Variants in CD38 observed in about 807,000 individuals in gnomAD.
The protein encoded by CD38 is CD38 molecule, also known as ADP-ribosyl cyclase/cyclic ADP-ribose hydrolase 1.
A neutral mutation model predicts 36.3 loss-of-function variants in CD38; 31 were observed. The ratio of observed to expected loss-of-function variants is 0.85; its 90% CI spans 0.64 to 1.15. The LOEUF (loss-of-function observed/expected upper bound fraction) is 1.15. CD38 is among the 50% of genes most tolerant of loss of function. The probability of loss-of-function intolerance (pLI) is 0.00; values close to 1 mark genes in which losing one functional copy is unlikely to be tolerated. For missense variants in CD38, 380 were observed against 371.9 expected, an observed-to-expected ratio of 1.02 and a Z score of -0.18; for synonymous variants, 131 against 135.2, an observed-to-expected ratio of 0.97 and a Z score of 0.22.
intron 1 of CD38, among the ~76,000 whole-genome samples, chr4:15,787,837 G>A (rs7700051): frequency 0.028 from 4,234 of 152,244 alleles, 203 homozygotes; most frequent in African/African-American, 0.094. Context: ...ACATAATGCC[G>A]AAAGCCTGGA....
chr4:15,809,943 G>A (rs1221812762), intron 1 of CD38, among the ~76,000 whole-genome samples: 1 of 152,086 alleles, frequency 6.6e-6, no homozygotes, highest in African/African-American at 2.4e-5. Flanking sequence ...CACAACCAAG[G>A]TGAGGTGTTT....
intron 3 of CD38, among the ~76,000 whole-genome samples, chr4:15,827,141 G>C (rs905014721): frequency 6.6e-6 from 1 of 152,188 alleles, no homozygotes; most frequent in African/African-American, 2.4e-5. Context: ...GAGATAGGAA[G>C]TCTGAGGCAT....
At chr4:15,822,539 A>T (rs1239792768) in intron 2 of CD38, among the ~76,000 whole-genome samples, 1 of 152,152 alleles carries the variant, frequency 6.6e-6, no homozygotes, top group Non-Finnish European at 1.5e-5. Context: ...GCATTCCTGT[A>T]CACCAACAAC....
intron 1 of CD38, among the ~76,000 whole-genome samples, chr4:15,798,588 A>G (rs1246779640): frequency 2.0e-5 from 3 of 152,238 alleles, no homozygotes; most frequent in Admixed American, 6.5e-5. Context: ...CTTTGCCAAT[A>G]GGAAAGAAGG....
chr4:15,780,529 CA>C, intron 1 of CD38, among the ~76,000 whole-genome samples: 1 of 136,946 alleles, frequency 7.3e-6, no homozygotes, highest in Non-Finnish European at 1.6e-5. Flanking sequence ...CACACACACA[CA>C]CACACACACA....
At position 15,848,535 on chromosome 4, in the gene CD38, A is replaced by G. The variant is rs796556310; in HGVS notation, c.840-4A>G. Reference sequence around the variant, plus strand: ...TGATTTCCTTTTTTGCTTTCTTGTCATAGACCTGACAAGTTTCTTCAGTGT... The same window carrying G: ...TGATTTCCTTTTTTGCTTTCTTGTCGTAGACCTGACAAGTTTCTTCAGTGT... On this transcript the variant is annotated splice_region_variant and splice_polypyrimidine_tract_variant and intron_variant, in intron 7 of 7. Coordinates refer to ENST00000226279, the MANE Select transcript of CD38 (RefSeq NM_001775.4). 6 of 1,612,212 alleles carry G rather than the reference A, an allele frequency of 3.7e-6. No individual in the cohort carries two copies. In the African/African-American group the frequency reaches 6.7e-5, roughly 18 times the overall value.
rs775196395 is a variant in CD38 at position 15,840,084 on chromosome 4, G to C, written c.718G>C (p.Ala240Pro). ...LQPEKVQTLE[A>P]WVIHGGREDS... ...ACCAGAGAAGGTTCAGACACTAGAG[G>C]CCTGGGTGATACATGGTGGAAGAGA... is the stretch of plus-strand genomic sequence containing the variant. Residue 240 changes from alanine (A) to proline (P), a missense_variant, in exon 6 of 8, where the codon GCC (alanine) becomes CCC (proline). By Grantham distance (27) the Ala-to-Pro change is conservative. Transcript: ENST00000226279. 3 of 1,612,864 alleles carry C rather than the reference G, an allele frequency of 1.9e-6. No homozygotes were observed. Among genetic ancestry groups the C allele is most frequent in the South Asian group, 2.2e-5 (2 of 91,050 alleles).
Position 15,822,488 on chromosome 4 carries a change from G to T in CD38, c.364-2393G>T, listed in dbSNP as rs561511158. 4.6e-5 allele frequency among the ~76,000 whole-genome samples: 7 copies of T among 152,290 alleles called. No individual in the cohort carries two copies. The East Asian group carries it at 1.3e-3, about 29-fold the overall frequency. On this transcript the variant is annotated intron_variant, in intron 2 of 7. Transcript: ENST00000226279. ...CTTCTTAAGCTGATAAGCAACTTCA[G>T]CAAAGTCTCAGGATACAAAATCAAT...
rs1724418214 is a variant in CD38, at chr4:15,852,810, T to TTTTA, written c.*4211_*4212insATTT. The TTTTA allele has an allele frequency of 1.1e-4, 1 of 9,264 alleles. No homozygotes were observed. The highest frequency in any genetic ancestry group is 2.1e-3 in the African/African-American group (1 of 474). 0.6% of individuals were successfully genotyped at this position (9,264 alleles called of 1,614,324 possible). A position where few individuals can be genotyped will look rare whatever the true frequency, so the allele number is the denominator to read the frequency against. On this transcript the variant is annotated 3_prime_UTR_variant, in exon 8 of 8. Transcript: ENST00000226279. ...CTATTCCCTAACGGGGCATTTATTC[T>TTTTA]TTTTTTTTTTTTTTTTTGGGAGACG... is the stretch of plus-strand genomic sequence containing the variant.
At chr4:15,796,180 C>CA (rs944570953) in intron 1 of CD38, among the ~76,000 whole-genome samples, 44 of 151,776 alleles carry the variant, frequency 2.9e-4, no homozygotes, top group Non-Finnish European at 5.3e-4. Context: ...TTTAAAACCA[C>CA]AAAAAAAATG....
At chr4:15,819,499 C>T (rs1723685905) in intron 2 of CD38, among the ~76,000 whole-genome samples, 1 of 151,920 alleles carries the variant, frequency 6.6e-6, no homozygotes, top group Non-Finnish European at 1.5e-5. Flanking sequence ...AGCTAAGAAC[C>T]ATGATAAAAC....
chr4:15,782,325 A>G (rs906868507), intron 1 of CD38, among the ~76,000 whole-genome samples: 13 of 152,222 alleles, frequency 8.5e-5, no homozygotes, highest in Admixed American at 8.5e-4. Context: ...AGTAGCAAAA[A>G]TAATGTAGAC....
intron 1 of CD38, among the ~76,000 whole-genome samples, chr4:15,786,341 A>T (rs1722829065): frequency 1.3e-5 from 2 of 152,210 alleles, no homozygotes; most frequent in African/African-American, 4.8e-5. Flanking sequence ...CCGTTTTGAC[A>T]GGGTGCTGAT....
intron 5 of CD38, among the ~76,000 whole-genome samples, chr4:15,839,095 C>T (rs762272876): frequency 6.6e-6 from 1 of 152,144 alleles, no homozygotes; most frequent in Non-Finnish European, 1.5e-5. Context: ...CTAGGTGCCC[C>T]AAATTAATTT....
chr4:15,801,996 A>G (rs1321431391), intron 1 of CD38, among the ~76,000 whole-genome samples: 1 of 152,200 alleles, frequency 6.6e-6, no homozygotes, highest in Non-Finnish European at 1.5e-5. Context: ...TGGAAGGAAT[A>G]AGTCAAATTG....
In CD38 at chr4:15,791,273, G is replaced by T. The variant is rs1276235696; in HGVS notation, c.233+12626G>T. On this transcript the variant is annotated intron_variant, in intron 1 of 7. Coordinates refer to ENST00000226279, the MANE Select transcript of CD38 (RefSeq NM_001775.4). ...TGGGAAGTGAGGAGCCCCTCTGCCC[G>T]GCCAGCCACCCCGTCCGGGAGGGGG... is the stretch of plus-strand genomic sequence containing the variant. Among the ~76,000 whole-genome samples, 186 of 58,894 alleles carry T rather than the reference G, an allele frequency of 3.2e-3. 57 individuals are homozygous for T. The highest frequency in any genetic ancestry group is 0.029 in the African/African-American group (167 of 5,694). 38.6% of individuals were successfully genotyped at this position (58,894 alleles called of 152,430 possible). A position where few individuals can be genotyped will look rare whatever the true frequency, so the allele number is the denominator to read the frequency against.
intron 1 of CD38, among the ~76,000 whole-genome samples, chr4:15,786,089 G>A (rs1037413903): frequency 1.6e-4 from 25 of 152,264 alleles, no homozygotes; most frequent in Non-Finnish European, 2.5e-4. Context: ...AGACTTTCGT[G>A]GTGAGTGTTA....
rs557078017 is a variant in CD38, at chr4:15,790,412, G to T, written c.233+11765G>T. Reference sequence around the variant, plus strand: ...GGGCTGGTCTCCAGCTCCTGACCGCGAGTGATCCGCCGGCCTCGGCCTCCC... The same window carrying T: ...GGGCTGGTCTCCAGCTCCTGACCGCTAGTGATCCGCCGGCCTCGGCCTCCC... On this transcript the variant is annotated intron_variant, in intron 1 of 7. Coordinates refer to ENST00000226279, the MANE Select transcript of CD38 (RefSeq NM_001775.4). 8.2e-4 allele frequency among the ~76,000 whole-genome samples: 125 copies of T among 152,048 alleles called. 1 individual carries two copies. Among genetic ancestry groups the T allele is most frequent in the Non-Finnish European group, 1.6e-3 (106 of 67,958 alleles).
intron 1 of CD38, among the ~76,000 whole-genome samples, chr4:15,789,234 T>C (rs1053935731): frequency 3.9e-5 from 6 of 152,196 alleles, no homozygotes; most frequent in African/African-American, 1.4e-4. Context: ...CCTGGAGATA[T>C]AGCAGTAAAC....
Sources: gnomAD v4.1 joint callset for allele counts (sites outside exome capture counted in the v4.1 genomes callset) on GRCh38, gnomAD v4.1.1 for gene constraint, MANE v1.5 for transcripts, NCBI Gene and HGNC (gene_info 2026-07-23, HGNC 2026-07-21) for gene names.